LDLRAP1: variants seen among roughly 807,000 people sequenced by gnomAD.
LDLRAP1 encodes low density lipoprotein receptor adaptor protein 1.
Under a neutral mutation model 37.8 loss-of-function variants are expected in LDLRAP1, and 30 were observed. The ratio of observed to expected loss-of-function variants is 0.79; its 90% CI spans 0.59 to 1.08. LDLRAP1 has a LOEUF of 1.08. LDLRAP1 is among the 50% of genes least tolerant of loss of function. The pLI, the probability that LDLRAP1 is intolerant of heterozygous loss-of-function variation, is 0.00. For missense variants in LDLRAP1, 375 were observed against 401.6 expected, an observed-to-expected ratio of 0.93 and a Z score of 0.57; for synonymous variants, 156 against 169.8, an observed-to-expected ratio of 0.92 and a Z score of 0.63.
At chr1:25,569,050 C>T (rs1057121638), downstream of LDLRAP1, among the ~76,000 whole-genome samples, 1 of 152,062 alleles carries the variant, frequency 6.6e-6, no homozygotes, top group Non-Finnish European at 1.5e-5. Flanking sequence ...CCCAGTGGGG[C>T]CCCCTTTTCA....
intron 3 of LDLRAP1, among the ~76,000 whole-genome samples, chr1:25,556,024 T>C (rs1023766466): frequency 6.6e-6 from 1 of 152,132 alleles, no homozygotes; most frequent in Non-Finnish European, 1.5e-5. Flanking sequence ...TAGTTTGTTG[T>C]TACCAAGGAC....
the LDLRAP1 span, among the ~76,000 whole-genome samples, chr1:25,582,397 G>T: frequency 2.3e-3 from 353 of 152,068 alleles, no homozygotes; most frequent in South Asian, 5.4e-3. Context: ...CCATCCTGGC[G>T]AACACGGTGA....
chr1:25,565,001 A>C, intron 7 of LDLRAP1, 172 bp from the exon 8 acceptor site: 1 of 702,222 alleles, frequency 1.4e-6, no homozygotes, highest in East Asian at 2.6e-5. Context: ...CCTTGGGCTG[A>C]GATGCTGGCG....
downstream of LDLRAP1, among the ~76,000 whole-genome samples, chr1:25,569,403 G>T (rs2044570483): frequency 6.6e-6 from 1 of 152,132 alleles, no homozygotes; most frequent in African/African-American, 2.4e-5. Flanking sequence ...GTGTGTTGGG[G>T]GATGGTGGGA....
downstream of LDLRAP1, among the ~76,000 whole-genome samples, chr1:25,571,826 T>A (rs913052232): frequency 6.6e-6 from 1 of 152,176 alleles, no homozygotes; most frequent in East Asian, 1.9e-4. Context: ...CCAGGACAGA[T>A]GTGGGCTGTG....
chr1:25,560,696 G>C (rs530849995), intron 4 of LDLRAP1, among the ~76,000 whole-genome samples: 2 of 152,372 alleles, frequency 1.3e-5, no homozygotes, highest in African/African-American at 4.8e-5. Context: ...GTCTTGGTTT[G>C]AGTTTCTGGC....
rs1160674759 is a variant in LDLRAP1, at chr1:25,557,355, G to T, written c.459+88G>T. 9.9e-6 allele frequency: 10 copies of T among 1,014,590 alleles called. No individual in the cohort carries two copies. In the East Asian group the frequency reaches 2.0e-4, roughly 20 times the overall value. 62.8% of individuals were successfully genotyped at this position (1,014,590 alleles called of 1,614,324 possible). A position where few individuals can be genotyped will look rare whatever the true frequency, so the allele number is the denominator to read the frequency against. ...GGGGGCTGTCTGGTGTGGGAGGCAGGACCCAAAGGTGACCATTACTTAAGA... is the reference window on the plus strand; with the variant it reads ...GGGGGCTGTCTGGTGTGGGAGGCAGTACCCAAAGGTGACCATTACTTAAGA... On this transcript the variant is annotated intron_variant, in intron 4 of 8. Coordinates refer to ENST00000374338, the MANE Select transcript of LDLRAP1 (RefSeq NM_015627.3).
chr1:25,550,396 A>AAGG (rs1226840304), intron 1 of LDLRAP1, among the ~76,000 whole-genome samples: 4 of 152,206 alleles, frequency 2.6e-5, no homozygotes, highest in Admixed American at 6.5e-5. Context: ...TATTGCCTCA[A>AAGG]AGGAGGCTTC....
the LDLRAP1 span, among the ~76,000 whole-genome samples, chr1:25,575,738 AG>A: frequency 6.6e-6 from 1 of 152,196 alleles, no homozygotes; most frequent in African/African-American, 2.4e-5. Flanking sequence ...ATGAGCACTG[AG>A]TATGTGCCCA....
At chr1:25,564,816 G>A (rs761118027) in intron 7 of LDLRAP1, 2 of 258,462 alleles carry the variant, frequency 7.7e-6, no homozygotes, top group Non-Finnish European at 1.5e-5. Context: ...AGCCATAGAA[G>A]TCATCAGGTC....
At position 25,564,852 on chromosome 1, in the gene LDLRAP1, A is replaced by G. The variant is rs1284470020; in HGVS notation, c.748-321A>G. On this transcript the variant is annotated intron_variant, in intron 7 of 8. Coordinates refer to ENST00000374338, the MANE Select transcript of LDLRAP1 (RefSeq NM_015627.3). Reference sequence around the variant, plus strand: ...CAATGCCCTCCTCTTATTGAAGGAAAAGCTGAGTTTCAACGTGGAGCAGTG... The same window carrying G: ...CAATGCCCTCCTCTTATTGAAGGAAGAGCTGAGTTTCAACGTGGAGCAGTG... 1.3e-5 allele frequency: 5 copies of G among 373,354 alleles called. No individual in the cohort carries two copies. The Admixed American group carries it at 1.5e-4, about 11-fold the overall frequency. 23.1% of individuals were successfully genotyped at this position (373,354 alleles called of 1,614,324 possible).
intron 4 of LDLRAP1, among the ~76,000 whole-genome samples, chr1:25,559,818 C>T (rs971637545): frequency 6.6e-6 from 1 of 152,192 alleles, no homozygotes; most frequent in South Asian, 2.1e-4. Context: ...CGTCAGCCTC[C>T]GCACCTGCTG....
chr1:25,553,878 G>T, intron 1 of LDLRAP1, 44 bp from the exon 2 acceptor site: 12 of 1,607,964 alleles, frequency 7.5e-6, no homozygotes, highest in Non-Finnish European at 1.0e-5. Flanking sequence ...CTGGTGGTGG[G>T]CCCTGAGCCG....
chr1:25,567,197 T>C lies in LDLRAP1; in HGVS notation c.*205T>C, dbSNP rs1267818652. 6 of 636,772 alleles carry C rather than the reference T, an allele frequency of 9.4e-6. No homozygotes were observed. The highest frequency in any genetic ancestry group is 1.7e-5 in the Non-Finnish European group (6 of 360,232). 39.4% of individuals were successfully genotyped at this position (636,772 alleles called of 1,614,324 possible). The stretch of plus-strand genomic sequence containing the variant: ...TTTCTCTGAGAACCAAAAGATGCCT[T>C]GAATATTTATTCAGTGACTTCTGGC... On this transcript the variant is annotated 3_prime_UTR_variant, in exon 9 of 9. Coordinates refer to ENST00000374338, the MANE Select transcript of LDLRAP1 (RefSeq NM_015627.3).
Position 25,554,743 on chromosome 1 carries a change from A to T in LDLRAP1, c.232-117A>T. ...GAGTGGTCTTGCCCACACTGCTGCCAGTCACCTGAGCTGAGATGGGCCCCG... is the reference window on the plus strand; with the variant it reads ...GAGTGGTCTTGCCCACACTGCTGCCTGTCACCTGAGCTGAGATGGGCCCCG... On this transcript the variant is annotated intron_variant, in intron 2 of 8. Coordinates refer to ENST00000374338, the MANE Select transcript of LDLRAP1 (RefSeq NM_015627.3). This position sits in a 1 kb window ranked among gnomAD's most constrained non-coding sequence, Gnocchi z 5.4. The T allele has an allele frequency of 2.6e-6, 2 of 777,898 alleles. No homozygotes were observed. The highest frequency in any genetic ancestry group is 4.0e-5 in the Admixed American group (2 of 50,158). 48.2% of individuals were successfully genotyped at this position (777,898 alleles called of 1,614,324 possible). A position where few individuals can be genotyped will look rare whatever the true frequency, so the allele number is the denominator to read the frequency against.
the LDLRAP1 span, among the ~76,000 whole-genome samples, chr1:25,582,388 C>CA: frequency 6.6e-6 from 1 of 151,802 alleles, no homozygotes; most frequent in African/African-American, 2.4e-5. Flanking sequence ...AGATCGAGAC[C>CA]ATCCTGGCGA....
rs138597463 is a variant in LDLRAP1, at chr1:25,547,817, C to T, written c.88+4031C>T. 1.1e-3 allele frequency among the ~76,000 whole-genome samples: 160 copies of T among 152,312 alleles called. 1 individual carries two copies. The highest frequency in any genetic ancestry group is 3.1e-3 in the African/African-American group (127 of 41,564). On this transcript the variant is annotated intron_variant, in intron 1 of 8. Transcript: ENST00000374338. ...GGAAGGTCCCTCTGAGAAGGTGACT[C>T]GGTACACACCGGTGAATCCCAGGAG...
chr1:25,556,222 C>G (rs1311342690), intron 3 of LDLRAP1, among the ~76,000 whole-genome samples: 1 of 152,082 alleles, frequency 6.6e-6, no homozygotes, highest in East Asian at 1.9e-4. Context: ...CTGTGGTGCT[C>G]CTGCCCCACC....
At chr1:25,583,656 G>T in the LDLRAP1 span, among the ~76,000 whole-genome samples, 1 of 152,098 alleles carries the variant, frequency 6.6e-6, no homozygotes, top group Admixed American at 6.6e-5. Context: ...TGTTATCATT[G>T]TTTCAAATAT....
Sources: gnomAD v4.1 joint callset for allele counts (sites outside exome capture counted in the v4.1 genomes callset) on GRCh38, gnomAD v4.1.1 for gene constraint, Gnocchi (gnomAD v3.1) non-coding constraint, MANE v1.5 for transcripts, NCBI Gene and HGNC (gene_info 2026-07-23, HGNC 2026-07-21) for gene names.